Variants in ROBO1 observed in about 807,000 individuals in gnomAD.
ROBO1 encodes the protein roundabout guidance receptor 1.
ROBO1 carries 149 observed loss-of-function variants against 195.9 expected under a neutral mutation model. That is an observed-to-expected ratio of 0.76 (90% confidence interval 0.67 to 0.87). ROBO1 has a LOEUF of 0.87. Among genes scored for constraint, ROBO1 ranks in the 40% least tolerant of loss-of-function variants. The pLI, the probability that ROBO1 is intolerant of heterozygous loss-of-function variation, is 0.00. For missense variants in ROBO1, 1,933 were observed against 2,068.3 expected (o/e 0.93, Z 1.27); for synonymous variants, 816 against 733.2 (o/e 1.11, Z -1.82).
At chr3:79,135,135 T>C (rs2080378316) in intron 2 of ROBO1, among the ~76,000 whole-genome samples, 1 of 152,160 alleles carries the variant, frequency 6.6e-6, no homozygotes, top group Non-Finnish European at 1.5e-5. Flanking sequence ...ATAATGGGTC[T>C]CTTGAACTTA....
At chr3:79,602,034 T>C (rs923117259) in intron 1 of ROBO1, among the ~76,000 whole-genome samples, 4 of 151,966 alleles carry the variant, frequency 2.6e-5, no homozygotes, top group South Asian at 2.1e-4. Flanking sequence ...CATTAATACT[T>C]AAATGAGCTG....
At chr3:78,836,238 G>A (rs1055308118) in intron 4 of ROBO1, among the ~76,000 whole-genome samples, 2 of 151,958 alleles carry the variant, frequency 1.3e-5, no homozygotes, top group African/African-American at 4.8e-5. Flanking sequence ...TCAGGCCGGG[G>A]GCAGTGGCTC....
rs552557448 is a variant in ROBO1, at chr3:79,601,701, G to A, written c.-50-11740C>T. 5.3e-5 allele frequency among the ~76,000 whole-genome samples: 8 copies of A among 151,966 alleles called. No homozygotes were observed. The South Asian group carries it at 1.7e-3, about 32-fold the overall frequency. ...GCCTTTACCTTAGGCAAGAAATCAT[G>A]GTAGATTAAAAAATAGAGAATGCTT... is the stretch of plus-strand genomic sequence containing the variant. On this transcript the variant is annotated intron_variant, in intron 1 of 30. Transcript: ENST00000464233.
intron 4 of ROBO1, among the ~76,000 whole-genome samples, chr3:78,770,198 C>T (rs1435350211): frequency 6.6e-6 from 1 of 152,136 alleles, no homozygotes; most frequent in Non-Finnish European, 1.5e-5. Context: ...TTCTCTTCTT[C>T]CTCAGGTACA....
At position 78,740,300 on chromosome 3, in the gene ROBO1, G is replaced by A. The variant is rs548524401; in HGVS notation, c.657+6443C>T. Among the ~76,000 whole-genome samples, 5 of 151,606 alleles carry A rather than the reference G, an allele frequency of 3.3e-5. No individual in the cohort carries two copies. In the South Asian group the frequency reaches 1.0e-3, roughly 32 times the overall value. On this transcript the variant is annotated intron_variant, in intron 5 of 30. Coordinates refer to ENST00000464233, the MANE Select transcript of ROBO1 (RefSeq NM_002941.4). ...GATGATATAAAACATATAATACATA[G>A]CAAGTTCTTAATATGCAATAGCTAT...
chr3:79,033,526 G>A (rs557824663), intron 3 of ROBO1, among the ~76,000 whole-genome samples: 1 of 152,176 alleles, frequency 6.6e-6, no homozygotes, highest in East Asian at 1.9e-4. Context: ...AATACAAAAT[G>A]CATACAGCAA....
intron 2 of ROBO1, among the ~76,000 whole-genome samples, chr3:79,269,401 C>A (rs562041990): frequency 4.6e-5 from 7 of 151,770 alleles, no homozygotes; most frequent in African/African-American, 1.7e-4. Flanking sequence ...TGTCACTTCC[C>A]TTTTAACTTC....
intron 2 of ROBO1, among the ~76,000 whole-genome samples, chr3:79,238,179 C>A (rs1252981700): frequency 2.0e-5 from 3 of 152,090 alleles, no homozygotes; most frequent in South Asian, 2.1e-4. Flanking sequence ...TTTTCAATTC[C>A]TTTTGAGTAT....
chr3:79,162,878 C>T (rs2080996929), intron 2 of ROBO1, among the ~76,000 whole-genome samples: 1 of 152,022 alleles, frequency 6.6e-6, no homozygotes, highest in Non-Finnish European at 1.5e-5. Context: ...TGGTAAGAAA[C>T]TGAATATGAC....
At chr3:79,534,597 G>A (rs1941784649) in intron 2 of ROBO1, among the ~76,000 whole-genome samples, 1 of 152,130 alleles carries the variant, frequency 6.6e-6, no homozygotes, top group Admixed American at 6.6e-5. Context: ...CTTTCTCCAA[G>A]GTAAGAAATC....
intron 2 of ROBO1, among the ~76,000 whole-genome samples, chr3:79,546,915 C>A (rs1023611470): frequency 2.0e-5 from 3 of 152,230 alleles, no homozygotes; most frequent in African/African-American, 7.2e-5. Flanking sequence ...GGCGCGGTGG[C>A]TCACGCCTGT....
chr3:79,348,937 A>T (rs2035235912), intron 2 of ROBO1, among the ~76,000 whole-genome samples: 1 of 152,196 alleles, frequency 6.6e-6, no homozygotes, highest in Non-Finnish European at 1.5e-5. Context: ...ACTAAAAAAA[A>T]ATCAATTGAA....
chr3:79,271,221 T>C (rs1378153986), intron 2 of ROBO1, among the ~76,000 whole-genome samples: 1 of 151,996 alleles, frequency 6.6e-6, no homozygotes. Context: ...AAACAAACCA[T>C]TACCAGAATT....
intron 3 of ROBO1, among the ~76,000 whole-genome samples, chr3:79,078,935 T>A (rs1479681461): frequency 1.3e-5 from 2 of 151,748 alleles, no homozygotes; most frequent in South Asian, 2.1e-4. Flanking sequence ...CATGACTCTA[T>A]TATATTGAAT....
At chr3:79,208,586 A>T (rs2108796148) in intron 2 of ROBO1, among the ~76,000 whole-genome samples, 1 of 152,342 alleles carries the variant, frequency 6.6e-6, no homozygotes, top group East Asian at 1.9e-4. Context: ...AGGATAGGAT[A>T]GCAGAGATGC....
In ROBO1 at chr3:78,898,153, A is replaced by G. The variant is rs187619628; in HGVS notation, c.499+40448T>C. Among the ~76,000 whole-genome samples, 19 of 149,680 alleles carry G rather than the reference A, an allele frequency of 1.3e-4. No individual in the cohort carries two copies. In the East Asian group the frequency reaches 3.7e-3, roughly 29 times the overall value. ...TAAGTTCTAAAACATATATATATATATATGTTGATTCCCTTTACAATTTTC... is the reference window on the plus strand; with the variant it reads ...TAAGTTCTAAAACATATATATATATGTATGTTGATTCCCTTTACAATTTTC... On this transcript the variant is annotated intron_variant, in intron 4 of 30. Coordinates refer to ENST00000464233, the MANE Select transcript of ROBO1 (RefSeq NM_002941.4).
chr3:79,177,541 G>T (rs1483957792), intron 2 of ROBO1, among the ~76,000 whole-genome samples: 1 of 152,134 alleles, frequency 6.6e-6, no homozygotes, highest in Non-Finnish European at 1.5e-5. Flanking sequence ...ACTTTAAAAG[G>T]CTACAGAGAA....
At chr3:78,940,419 G>T (rs768484375) in intron 3 of ROBO1, among the ~76,000 whole-genome samples, 1 of 152,076 alleles carries the variant, frequency 6.6e-6, no homozygotes, top group Non-Finnish European at 1.5e-5. Flanking sequence ...TGCTCTTAAC[G>T]TAAGTCTTTA....
intron 4 of ROBO1, among the ~76,000 whole-genome samples, chr3:78,769,446 T>C (rs924106048): frequency 6.6e-6 from 1 of 152,120 alleles, no homozygotes; most frequent in African/African-American, 2.4e-5. Flanking sequence ...TTTGTGTGAG[T>C]CCTTTTGTGT....
Sources: allele counts gnomAD v4.1 joint callset (sites outside exome capture counted in the v4.1 genomes callset), GRCh38; gene constraint gnomAD v4.1.1; transcripts MANE v1.5; gene names NCBI Gene and HGNC (gene_info 2026-07-23, HGNC 2026-07-21).